NBN: variants seen among roughly 807,000 people sequenced by gnomAD.
NBN encodes nibrin.
A neutral mutation model predicts 90.8 loss-of-function variants in NBN; 88 were observed. The ratio of observed to expected loss-of-function variants is 0.97; its 90% CI spans 0.82 to 1.16. The LOEUF (loss-of-function observed/expected upper bound fraction) is 1.16. NBN is among the 50% of genes most tolerant of loss of function. The pLI, the probability that NBN is intolerant of heterozygous loss-of-function variation, is 0.00. For missense variants in NBN, 894 were observed against 869.6 expected, an observed-to-expected ratio of 1.03 and a Z score of -0.35; for synonymous variants, 328 against 295.1, an observed-to-expected ratio of 1.11 and a Z score of -1.14.
At position 89,946,268 on chromosome 8, in the gene NBN, C is replaced by A; in HGVS notation, c.1942G>T (p.Glu648Ter). The A allele has an allele frequency of 6.3e-7, 1 of 1,583,442 alleles. No homozygotes were observed. Among genetic ancestry groups the A allele is most frequent in the South Asian group, 1.1e-5 (1 of 90,312 alleles). ...AATAACAGCTTTTTTGGAAGCATCT[C>A]ACTATCATCCTGAAGTTTGTCATTG... ...SNNDKLQDDS[E>*]MLPKKLLLTE... Residue 648 changes from glutamate to a stop codon, truncating the protein, a stop_gained, in exon 13 of 16, where the codon GAG (glutamate) becomes TAG (stop). Transcript: ENST00000265433. LOFTEE classifies it high-confidence loss of function.
chr8:89,954,229 T>C (rs1245953386), intron 10 of NBN, among the ~76,000 whole-genome samples: 1 of 152,066 alleles, frequency 6.6e-6, no homozygotes, highest in Non-Finnish European at 1.5e-5. Context: ...TACCAAACAC[T>C]TTATGCAAAC....
chr8:89,970,882 GAGCTTACTAACTAAAGAGGTTT>G (rs1403668731), intron 6 of NBN, among the ~76,000 whole-genome samples: 19 of 152,124 alleles, frequency 1.2e-4, no homozygotes, highest in Non-Finnish European at 1.5e-4. Context: ...CTTCTTTAGT[GAGCTTACTAACTAAAGAGGTTT>G]AGCTTACTAA....
chr8:89,949,317 A>C (rs1463207704), intron 11 of NBN, among the ~76,000 whole-genome samples: 4 of 152,250 alleles, frequency 2.6e-5, no homozygotes, highest in Admixed American at 2.6e-4. Context: ...AAATATAATA[A>C]AAGTATCCAA....
chr8:89,953,188 C>A, intron 11 of NBN, 56 bp downstream of exon 11: 2 of 1,279,556 alleles, frequency 1.6e-6, no homozygotes, highest in South Asian at 1.2e-5. Context: ...ATCGAAAGTA[C>A]CTGTTAGCAT....
intron 7 of NBN, among the ~76,000 whole-genome samples, chr8:89,965,210 AAGAG>A (rs765225655): frequency 1.3e-5 from 2 of 152,176 alleles, no homozygotes; most frequent in Non-Finnish European, 2.9e-5. Flanking sequence ...AGAAAAAAAG[AAGAG>A]AGAGAGGAAG....
rs1031395310 is a variant in NBN at position 89,938,029 on chromosome 8, C to T, written c.2185-954G>A. ...ACTATGTTTCAAGGAACATGTTCTT[C>T]CCCTCTTTAGCAAAGGCTTCCTGAT... On this transcript the variant is annotated intron_variant, in intron 14 of 15. Coordinates refer to ENST00000265433, the MANE Select transcript of NBN (RefSeq NM_002485.5). Among the ~76,000 whole-genome samples, 5 of 152,126 alleles carry T rather than the reference C, an allele frequency of 3.3e-5. No individual in the cohort carries two copies. In the South Asian group the frequency reaches 8.3e-4, roughly 25 times the overall value.
chr8:89,978,491 G>A lies in NBN; in HGVS notation c.481-168C>T, dbSNP rs104895037. 9.8e-4 allele frequency: 169 copies of A among 172,904 alleles called. No individual in the cohort carries two copies. Among genetic ancestry groups the A allele is most frequent in the Non-Finnish European group, 1.6e-3 (135 of 87,088 alleles). The allele number at this position is 172,904 out of a possible 1,614,324, so 10.7% of individuals were successfully genotyped here. A position where few individuals can be genotyped will look rare whatever the true frequency, so the allele number is the denominator to read the frequency against. On this transcript the variant is annotated intron_variant, in intron 4 of 15. Transcript: ENST00000265433. ...AGCCACAATCTATAAAATAGAAGTCGGTCTTTGGTCACTGCATTATTTTAG... is the reference window on the plus strand; with the variant it reads ...AGCCACAATCTATAAAATAGAAGTCAGTCTTTGGTCACTGCATTATTTTAG...
chr8:89,951,696 T>C (rs1272519022), intron 11 of NBN, among the ~76,000 whole-genome samples: 1 of 152,136 alleles, frequency 6.6e-6, no homozygotes, highest in Non-Finnish European at 1.5e-5. Context: ...TTATAGAACA[T>C]ACAAATCTCT....
At position 89,978,339 on chromosome 8, in the gene NBN, CAT is replaced by C. The variant is rs778286254; in HGVS notation, c.481-18_481-17del. The C allele has an allele frequency of 3.0e-5, 47 of 1,576,500 alleles. No homozygotes were observed. Among genetic ancestry groups the C allele is most frequent in the Non-Finnish European group, 3.5e-5 (40 of 1,146,352 alleles). ...CACATATTGTCTACAATGAAGAAAA[CAT>C]GTGAATATATATATTCACATGCTAG... On this transcript the variant is annotated splice_polypyrimidine_tract_variant and intron_variant, in intron 4 of 15. Transcript: ENST00000265433.
At position 89,980,733 on chromosome 8, in the gene NBN, C is replaced by T. The variant is rs780470185; in HGVS notation, c.480+1G>A. ...ACATAAGAACAAGACATTCAACCTACTTTAATGGTAACTTTCACTGATACC... is the reference window on the plus strand; with the variant it reads ...ACATAAGAACAAGACATTCAACCTATTTTAATGGTAACTTTCACTGATACC... On this transcript the variant is annotated splice_donor_variant, in intron 4 of 15. Coordinates refer to ENST00000265433, the MANE Select transcript of NBN (RefSeq NM_002485.5). LOFTEE classifies it high-confidence loss of function. 6.2e-7 allele frequency: 1 copy of T among 1,609,058 alleles called. No individual in the cohort carries two copies. Among genetic ancestry groups the T allele is most frequent in the Non-Finnish European group, 8.5e-7 (1 of 1,175,666 alleles).
rs151070415 is a variant in NBN, at chr8:89,978,257, C to T, written c.547G>A (p.Ala183Thr). Residue 183 changes from alanine (A) to threonine (T), a missense_variant, in exon 5 of 16, where the codon GCA becomes ACA. Coordinates refer to ENST00000265433, the MANE Select transcript of NBN (RefSeq NM_002485.5). ...GGAGGCTGCTTCTTGGACTCAACTG[C>T]TTTCAGGAATTCAGTAAAATATTCT... ...KPEYFTEFLK[A>T]VESKKQPPQI... is the part of the protein sequence containing the mutation. 1.7e-5 allele frequency: 28 copies of T among 1,605,426 alleles called. No homozygotes were observed. Among genetic ancestry groups the T allele is most frequent in the Non-Finnish European group, 2.1e-5 (25 of 1,172,462 alleles).
Position 89,984,659 on chromosome 8 carries a change from G to A in NBN, c.-98C>T. The A allele has an allele frequency of 1.3e-6, 2 of 1,550,454 alleles. No individual in the cohort carries two copies. Among genetic ancestry groups the A allele is most frequent in the Non-Finnish European group, 8.7e-7 (1 of 1,143,156 alleles). On this transcript the variant is annotated 5_prime_UTR_variant, in exon 1 of 16. Transcript: ENST00000265433. Reference sequence around the variant, plus strand: ...CGCCTGCGGTCGGCATGGGCTCCGGGACGTGCGCGCTCCCGGGAGCCACGC... The same window carrying A: ...CGCCTGCGGTCGGCATGGGCTCCGGAACGTGCGCGCTCCCGGGAGCCACGC...
At chr8:89,942,634 T>C (rs1810002325) in intron 14 of NBN, among the ~76,000 whole-genome samples, 1 of 151,868 alleles carries the variant, frequency 6.6e-6, no homozygotes, top group Non-Finnish European at 1.5e-5. Context: ...CTTCCAGTAA[T>C]GAAAAAATAA....
intron 14 of NBN, among the ~76,000 whole-genome samples, chr8:89,940,218 T>C (rs1809877043): frequency 6.6e-6 from 1 of 152,200 alleles, no homozygotes. Flanking sequence ...CCTGAGTAGC[T>C]GGGACTATGG....
chr8:89,967,374 A>C (rs1811304724), intron 7 of NBN, among the ~76,000 whole-genome samples: 1 of 152,230 alleles, frequency 6.6e-6, no homozygotes, highest in African/African-American at 2.4e-5. Flanking sequence ...ACACAGGAGA[A>C]AACTGGGCTA....
intron 11 of NBN, among the ~76,000 whole-genome samples, chr8:89,951,252 C>T: frequency 7.2e-6 from 1 of 139,268 alleles, no homozygotes. Context: ...GCGGAGCTTG[C>T]AGTGAGCGGA....
Position 89,978,136 on chromosome 8 carries a change from A to G in NBN, c.584+84T>C, listed in dbSNP as rs1811857349. Reference sequence around the variant, plus strand: ...ACAGCAACTATTACATCCTGAAACAAGCATTAAAGAGGGAATTAACTTAAA... The same window carrying G: ...ACAGCAACTATTACATCCTGAAACAGGCATTAAAGAGGGAATTAACTTAAA... On this transcript the variant is annotated intron_variant, in intron 5 of 15. Transcript: ENST00000265433. The G allele has an allele frequency of 3.4e-6, 4 of 1,173,668 alleles. No homozygotes were observed. In the Admixed American group the frequency reaches 5.4e-5, roughly 16 times the overall value. 72.7% of individuals were successfully genotyped at this position (1,173,668 alleles called of 1,614,324 possible).
At chr8:89,945,591 G>A (rs553494776) in intron 13 of NBN, among the ~76,000 whole-genome samples, 2 of 152,250 alleles carry the variant, frequency 1.3e-5, no homozygotes, top group East Asian at 3.9e-4. Flanking sequence ...AGAAGCAAAT[G>A]TAAGACAACA....
chr8:89,952,031 T>A (rs1810469492), intron 11 of NBN, among the ~76,000 whole-genome samples: 1 of 152,144 alleles, frequency 6.6e-6, no homozygotes, highest in African/African-American at 2.4e-5. Flanking sequence ...CCTTTACCTG[T>A]CCCCTCATCA....
Sources: allele counts gnomAD v4.1 joint callset (sites outside exome capture counted in the v4.1 genomes callset), GRCh38; gene constraint gnomAD v4.1.1; transcripts MANE v1.5; gene names NCBI Gene and HGNC (gene_info 2026-07-23, HGNC 2026-07-21).